C5: variants seen among roughly 807,000 people sequenced by gnomAD.
C5 encodes the protein complement C5.
C5 carries 140 observed loss-of-function variants against 218.8 expected under a neutral mutation model. That is an observed-to-expected ratio of 0.64 (90% CI 0.56 to 0.74). C5 has a LOEUF of 0.74. Ranked by LOEUF, C5 falls within the 30% of genes least tolerant of loss-of-function variation. The pLI is 0.00. For synonymous variants in C5, 614 were observed against 682.3 expected (o/e 0.90, Z 1.56); for missense variants, 1,700 against 1,969.6 (o/e 0.86, Z 2.59).
Position 120,974,899 on chromosome 9 carries a change from T to C in C5, c.3897A>G (p.Glu1299=), listed in dbSNP as rs1172266214. The part of the protein sequence containing the change: ...DTINAIEGLT[E]YSLLVKQLRL... ...GGAGTTGTTTAACCAGGAGTGAATATTCCGTCAGGCCCTCAATGGCATTGA... is the reference window on the plus strand; with the variant it reads ...GGAGTTGTTTAACCAGGAGTGAATACTCCGTCAGGCCCTCAATGGCATTGA... Residue 1299 remains glutamate, a synonymous_variant, in exon 30 of 41, where the codon GAA becomes GAG. Coordinates refer to ENST00000223642, the MANE Select transcript of C5 (RefSeq NM_001735.3). The C allele has an allele frequency of 2.5e-6, 4 of 1,614,154 alleles. No homozygotes were observed. Among genetic ancestry groups the C allele is most frequent in the Admixed American group, 1.7e-5 (1 of 60,026 alleles).
intron 3 of C5, 55 bp downstream of exon 3, chr9:121,042,949 T>C (rs1173356210): frequency 7.1e-6 from 10 of 1,417,106 alleles, no homozygotes; most frequent in Admixed American, 1.7e-5. Flanking sequence ...CTCTACAATA[T>C]AGTGTCAATA....
intron 16 of C5, 43 bp from the exon 17 acceptor site, chr9:121,014,113 A>T (rs2047286794): frequency 1.3e-6 from 2 of 1,534,834 alleles, no homozygotes; most frequent in Admixed American, 1.7e-5. Context: ...ACGCAGAGTG[A>T]TAACATCTCA....
intron 36 of C5, among the ~76,000 whole-genome samples, chr9:120,961,792 G>A (rs996105801): frequency 2.0e-5 from 3 of 152,208 alleles, no homozygotes; most frequent in Non-Finnish European, 1.5e-5. Flanking sequence ...TGAAACACTC[G>A]TTTCTCAGAA....
In C5 at chr9:120,952,592, T is replaced by TA; in HGVS notation, c.*146dup. ...TACAGCATTTGAAATCATTCTCTAA[T>TA]AAAAGCAAGTGCCACTAATTCTAAG... is the stretch of plus-strand genomic sequence containing the variant. On this transcript the variant is annotated 3_prime_UTR_variant, in exon 41 of 41. Coordinates refer to ENST00000223642, the MANE Select transcript of C5 (RefSeq NM_001735.3). 1.3e-6 allele frequency: 1 copy of TA among 741,232 alleles called. No individual in the cohort carries two copies. The highest frequency in any genetic ancestry group is 2.2e-6 in the Non-Finnish European group (1 of 454,958). 45.9% of individuals were successfully genotyped at this position (741,232 alleles called of 1,614,324 possible). A position where few individuals can be genotyped will look rare whatever the true frequency, so the allele number is the denominator to read the frequency against.
intron 9 of C5, among the ~76,000 whole-genome samples, chr9:121,023,758 C>G (rs1215717214): frequency 6.6e-6 from 1 of 152,090 alleles, no homozygotes; most frequent in African/African-American, 2.4e-5. Context: ...TAGAGAAGCC[C>G]TTGGAGAAGT....
At chr9:120,989,272 T>C in intron 24 of C5, 151 bp from the exon 25 acceptor site, 1 of 729,652 alleles carries the variant, frequency 1.4e-6, no homozygotes, top group South Asian at 1.5e-5. Context: ...TCAAAGGAAG[T>C]ATATGAATTG....
At chr9:120,961,387 AAC>A in intron 37 of C5, 93 bp downstream of exon 37, 1 of 785,666 alleles carries the variant, frequency 1.3e-6, no homozygotes, top group Middle Eastern at 2.2e-4. Context: ...TCTGAGAAAG[AAC>A]AGTTTACCAA....
chr9:120,963,311 C>A (rs1353158895), intron 34 of C5, among the ~76,000 whole-genome samples: 2 of 152,120 alleles, frequency 1.3e-5, no homozygotes, highest in Non-Finnish European at 2.9e-5. Context: ...TCGAGACCAG[C>A]CTGACTGACA....
At position 121,030,291 on chromosome 9, in the gene C5, A is replaced by T; in HGVS notation, c.758+106T>A. ...TCAATTAGTCCCCAAATCATGGCAC[A>T]CTTTGATAATAAATCACAGATCTCA... On this transcript the variant is annotated intron_variant, in intron 7 of 40. Transcript: ENST00000223642. 3 of 636,948 alleles carry T rather than the reference A, an allele frequency of 4.7e-6. No individual in the cohort carries two copies. In the South Asian group the frequency reaches 6.0e-5, roughly 13 times the overall value. The allele number at this position is 636,948 out of a possible 1,614,324, so 39.5% of individuals were successfully genotyped here.
upstream of C5, among the ~76,000 whole-genome samples, chr9:121,055,004 G>A (rs56182037): frequency 0.037 from 5,552 of 152,020 alleles, 162 homozygotes; most frequent in Non-Finnish European, 0.047. Context: ...ACTTACTATT[G>A]ACTTTAAGCC....
At chr9:121,051,123 CTT>C (rs5900469), upstream of C5, among the ~76,000 whole-genome samples, 78 of 140,726 alleles carry the variant, frequency 5.5e-4, no homozygotes, top group Non-Finnish European at 5.9e-4. Context: ...TATCTTTATA[CTT>C]TTTTTTTTTT....
the C5 span, among the ~76,000 whole-genome samples, chr9:121,058,443 T>TA: frequency 5.9e-5 from 9 of 152,180 alleles, no homozygotes; most frequent in Admixed American, 3.9e-4. Context: ...TATGTATATA[T>TA]AAAATTTTTT....
Position 121,030,486 on chromosome 9 carries a change from G to C in C5, c.669C>G (p.Val223=), listed in dbSNP as rs1372775069. The part of the protein sequence containing the change: ...GTAYFEVKEY[V]LPHFSVSIEP... ...CGATTGAGACAGAAAAATGTGGCAA[G>C]ACTGAAAATAAAAACAAACAGGTAA... The change falls in exon 7 of 41, where the codon GTC becomes GTG. Residue 223 remains valine (V), a splice_region_variant and synonymous_variant. Transcript: ENST00000223642. 7 of 1,536,990 alleles carry C rather than the reference G, an allele frequency of 4.6e-6. No homozygotes were observed. Among genetic ancestry groups the C allele is most frequent in the Non-Finnish European group, 6.2e-6 (7 of 1,133,334 alleles).
At chr9:120,970,344 C>A in intron 31 of C5, 93 bp from the exon 32 acceptor site, 2 of 806,032 alleles carry the variant, frequency 2.5e-6, no homozygotes, top group South Asian at 2.8e-5. Flanking sequence ...ATGGGATGCT[C>A]GAAGGATCAT....
chr9:120,980,486 C>T (rs1425536911), intron 27 of C5, among the ~76,000 whole-genome samples: 2 of 152,156 alleles, frequency 1.3e-5, no homozygotes, highest in Non-Finnish European at 2.9e-5. Context: ...CTTTTTGCCT[C>T]TGAATTCTCA....
intron 11 of C5, 82 bp downstream of exon 11, chr9:121,021,427 G>T: frequency 9.1e-7 from 1 of 1,101,470 alleles, no homozygotes; most frequent in Non-Finnish European, 1.4e-6. Flanking sequence ...AAAATCTGCC[G>T]CATCTGTTCT....
At chr9:120,953,937 G>A (rs2046766715) in intron 39 of C5, 69 bp from the exon 40 acceptor site, 1 of 1,548,844 alleles carries the variant, frequency 6.5e-7, no homozygotes. Flanking sequence ...AAACTCTCAA[G>A]TTTTCTGGTT....
At chr9:120,963,554 TGAAA>T in intron 34 of C5, 78 bp downstream of exon 34, 1 of 1,060,348 alleles carries the variant, frequency 9.4e-7, no homozygotes, top group South Asian at 1.3e-5. Flanking sequence ...TATATTCAAA[TGAAA>T]GAAAGTAAAA....
chr9:121,031,663 C>T (rs556648795), intron 6 of C5, among the ~76,000 whole-genome samples: 1 of 152,316 alleles, frequency 6.6e-6, no homozygotes, highest in East Asian at 1.9e-4. Context: ...CAACCTCTAG[C>T]CAGTACTTCT....
Sources: allele counts gnomAD v4.1 joint callset (sites outside exome capture counted in the v4.1 genomes callset), GRCh38; gene constraint gnomAD v4.1.1; transcripts MANE v1.5; gene names NCBI Gene and HGNC (gene_info 2026-07-23, HGNC 2026-07-21).